Variants in VWC2 observed in about 807,000 individuals in gnomAD.
The protein encoded by VWC2 is brorin.
A neutral mutation model predicts 29.8 loss-of-function variants in VWC2; 14 were observed. The observed-to-expected ratio is 0.47, with a 90% CI of 0.31 to 0.74. VWC2 has a LOEUF of 0.74. VWC2 is among the 30% of genes least tolerant of loss of function. VWC2 has a pLI of 0.05. For synonymous variants in VWC2, 213 were observed against 199.0 expected, an observed-to-expected ratio of 1.07 and a Z score of -0.59; for missense variants, 457 against 459.8, an observed-to-expected ratio of 0.99 and a Z score of 0.05.
intron 2 of VWC2, among the ~76,000 whole-genome samples, chr7:49,779,037 G>GA (rs1788116121): frequency 8.6e-6 from 1 of 116,630 alleles, no homozygotes; most frequent in Non-Finnish European, 1.9e-5. Flanking sequence ...CTTCCAGAGA[G>GA]GGAGAGAGAG....
In VWC2 at chr7:49,877,478, AAAAATATATATATAT is replaced by A. The variant is rs1239904132; in HGVS notation, c.827-34554_827-34540del. The stretch of plus-strand genomic sequence containing the variant: ...ACTCTGTCTCAAAAAAAAAAAAAAA[AAAAATATATATATAT>A]ATATATATATATATATATATATATA... On this transcript the variant is annotated intron_variant, in intron 3 of 3. Coordinates refer to ENST00000340652, the MANE Select transcript of VWC2 (RefSeq NM_198570.5). 8.7e-3 allele frequency among the ~76,000 whole-genome samples: 342 copies of A among 39,150 alleles called. 50 individuals are homozygous for A. Among genetic ancestry groups the A allele is most frequent in the African/African-American group, 0.036 (321 of 8,890 alleles). 25.7% of individuals were successfully genotyped at this position (39,150 alleles called of 152,430 possible).
chr7:49,853,144 G>C (rs1790264203), intron 3 of VWC2, among the ~76,000 whole-genome samples: 1 of 152,278 alleles, frequency 6.6e-6, no homozygotes, highest in Non-Finnish European at 1.5e-5. Context: ...CTCTGAACAG[G>C]AGCAGTCACT....
chr7:49,869,139 T>C (rs1791030722), intron 3 of VWC2, among the ~76,000 whole-genome samples: 1 of 152,198 alleles, frequency 6.6e-6, no homozygotes, highest in Non-Finnish European at 1.5e-5. Flanking sequence ...ACTAGTTATG[T>C]GCTTAAACAC....
intron 3 of VWC2, among the ~76,000 whole-genome samples, chr7:49,888,156 CA>C (rs997433665): frequency 6.6e-6 from 1 of 152,198 alleles, no homozygotes; most frequent in African/African-American, 2.4e-5. Flanking sequence ...TAGTCAATGG[CA>C]ATTATTTTTT....
chr7:49,775,951 C>T lies in VWC2; in HGVS notation c.516C>T (p.Gly172=), dbSNP rs763716423. 2 of 1,552,488 alleles carry T rather than the reference C, an allele frequency of 1.3e-6. No individual in the cohort carries two copies. The highest frequency in any genetic ancestry group is 2.4e-5 in the East Asian group (1 of 41,526). The change falls in exon 2 of 4, where the codon GGC becomes GGT. Residue 172 remains glycine (G), a synonymous_variant. Transcript: ENST00000340652. ...CGATCGGGGAGAAGTTCGCGCCGGG[C>T]CCCTCGGCCTGCCCGTGCCTGTGCA... ...VYAIGEKFAP[G]PSACPCLCTE... is the part of the protein sequence containing the mutation.
intron 2 of VWC2, among the ~76,000 whole-genome samples, chr7:49,789,588 A>T (rs1447879395): frequency 6.6e-6 from 1 of 151,648 alleles, no homozygotes; most frequent in African/African-American, 2.4e-5. Context: ...ACATTATTTT[A>T]GTCATTTATA....
chr7:49,847,082 G>A (rs1789972354), intron 3 of VWC2, among the ~76,000 whole-genome samples: 1 of 152,078 alleles, frequency 6.6e-6, no homozygotes, highest in Admixed American at 6.5e-5. Flanking sequence ...TATTTGCAAA[G>A]TTTTTAAAAG....
chr7:49,899,551 T>C (rs690911), intron 3 of VWC2, among the ~76,000 whole-genome samples: 143,812 of 151,978 alleles, frequency 0.95, 68,162 homozygotes, highest in African/African-American at 0.99. Context: ...GAGCAGACTT[T>C]AGAACAAGGA....
In VWC2 at chr7:49,774,410, A is replaced by G. The variant is rs112715533; in HGVS notation, c.-104+297A>G. Among the ~76,000 whole-genome samples, 1,291 of 152,262 alleles carry G rather than the reference A, an allele frequency of 8.5e-3. 13 individuals are homozygous for G. The highest frequency in any genetic ancestry group is 0.024 in the African/African-American group (982 of 41,562). On this transcript the variant is annotated intron_variant, in intron 1 of 3. Transcript: ENST00000340652. ...GGGGAGTGAGGCGGAGAGAGGCTGG[A>G]TTGCCGGTGTCCTGCGGCGTCTCGG...
At chr7:49,862,410 C>A (rs537503116) in intron 3 of VWC2, among the ~76,000 whole-genome samples, 1 of 152,084 alleles carries the variant, frequency 6.6e-6, no homozygotes, top group African/African-American at 2.4e-5. Context: ...TCATACTAAC[C>A]GTGAATAGAG....
intron 3 of VWC2, among the ~76,000 whole-genome samples, chr7:49,910,576 T>C (rs1207636751): frequency 6.7e-6 from 1 of 149,342 alleles, no homozygotes; most frequent in Non-Finnish European, 1.5e-5. Context: ...TCTACAGGTA[T>C]GAACCATAAC....
intron 2 of VWC2, among the ~76,000 whole-genome samples, chr7:49,797,852 C>T (rs1398391682): frequency 6.6e-6 from 1 of 152,146 alleles, no homozygotes; most frequent in Non-Finnish European, 1.5e-5. Context: ...AACTGTTTCT[C>T]CAGGCTACAC....
intron 3 of VWC2, among the ~76,000 whole-genome samples, chr7:49,888,267 T>C (rs1430549473): frequency 1.3e-5 from 2 of 152,246 alleles, no homozygotes; most frequent in Non-Finnish European, 2.9e-5. Flanking sequence ...ATCCTGCTCC[T>C]AATTCTACTT....
At chr7:49,782,094 C>T (rs1244398337) in intron 2 of VWC2, among the ~76,000 whole-genome samples, 1 of 152,116 alleles carries the variant, frequency 6.6e-6, no homozygotes, top group Non-Finnish European at 1.5e-5. Context: ...ATTTGACAAG[C>T]GGGAGGTTCA....
chr7:49,806,973 A>G (rs1788892602), intron 3 of VWC2, among the ~76,000 whole-genome samples: 1 of 152,236 alleles, frequency 6.6e-6, no homozygotes, highest in African/African-American at 2.4e-5. Context: ...TAGCAAGATC[A>G]GTGTTTGAAA....
At chr7:49,873,906 T>TA (rs11326386) in intron 3 of VWC2, among the ~76,000 whole-genome samples, 3,278 of 146,480 alleles carry the variant, frequency 0.022, 129 homozygotes, top group African/African-American at 0.076. Context: ...TATAATTAAG[T>TA]AAAAAAAAAA....
chr7:49,864,571 G>A (rs138989542), intron 3 of VWC2, among the ~76,000 whole-genome samples: 126 of 152,236 alleles, frequency 8.3e-4, no homozygotes, highest in African/African-American at 2.9e-3. Flanking sequence ...TTTTGGCCTG[G>A]GTAGTTGGCT....
chr7:49,794,806 C>G lies in VWC2; in HGVS notation c.697-7905C>G, dbSNP rs547924425. On this transcript the variant is annotated intron_variant, in intron 2 of 3. Coordinates refer to ENST00000340652, the MANE Select transcript of VWC2 (RefSeq NM_198570.5). ...AGCATCCTTTGGACACCTCTCCATC[C>G]TCATCCTCTTGTCTATGTGGTCCTC... 2.6e-5 allele frequency among the ~76,000 whole-genome samples: 4 copies of G among 152,288 alleles called. No individual in the cohort carries two copies. The East Asian group carries it at 7.7e-4, about 29-fold the overall frequency.
At position 49,919,648 on chromosome 7, in the gene VWC2, T is replaced by G. The variant is rs1793918126; in HGVS notation, c.*7463T>G. On this transcript the variant is annotated 3_prime_UTR_variant, in exon 4 of 4. Coordinates refer to ENST00000340652, the MANE Select transcript of VWC2 (RefSeq NM_198570.5). ...GTTACATAATGTTAAATCTGTAGTT[T>G]CAAGGTGTATGCTATTTCTTAAAAC... The G allele has an allele frequency of 6.6e-6, 1 of 152,184 alleles. No individual in the cohort carries two copies. Among genetic ancestry groups the G allele is most frequent in the Non-Finnish European group, 1.5e-5 (1 of 68,024 alleles). The allele number at this position is 152,184 out of a possible 1,614,324, so 9.4% of individuals were successfully genotyped here. A position where few individuals can be genotyped will look rare whatever the true frequency, so the allele number is the denominator to read the frequency against.
Sources: allele counts gnomAD v4.1 joint callset (sites outside exome capture counted in the v4.1 genomes callset), GRCh38; gene constraint gnomAD v4.1.1; transcripts MANE v1.5; gene names NCBI Gene and HGNC (gene_info 2026-07-23, HGNC 2026-07-21).